MAD1L1: variants seen among roughly 807,000 people sequenced by gnomAD.
MAD1L1 encodes the protein mitotic spindle assembly checkpoint protein MAD1.
MAD1L1 carries 95 observed loss-of-function variants against 96.9 expected under a neutral mutation model. The observed-to-expected ratio is 0.98, with a 90% CI of 0.83 to 1.16. MAD1L1 has a LOEUF of 1.16. Ranked by LOEUF, MAD1L1 falls within the 50% of genes most tolerant of loss-of-function variation. MAD1L1 has a pLI of 0.00. For synonymous variants in MAD1L1, 473 were observed against 396.6 expected (o/e 1.19, Z -2.29); for missense variants, 1,007 against 954.4 (o/e 1.06, Z -0.73).
At chr7:2,083,350 C>A (rs1266207502) in intron 11 of MAD1L1, among the ~76,000 whole-genome samples, 1 of 152,170 alleles carries the variant, frequency 6.6e-6, no homozygotes, top group African/African-American at 2.4e-5. Flanking sequence ...AATGCCAGCT[C>A]TAAGCAGTTT....
At chr7:2,083,589 G>A (rs927201187) in intron 11 of MAD1L1, among the ~76,000 whole-genome samples, 1 of 152,310 alleles carries the variant, frequency 6.6e-6, no homozygotes, top group African/African-American at 2.4e-5. Context: ...GCGGGCTGTC[G>A]GGAGACTCCA....
chr7:1,979,442 G>T (rs1347394611), intron 15 of MAD1L1, among the ~76,000 whole-genome samples: 10 of 152,198 alleles, frequency 6.6e-5, no homozygotes, highest in Admixed American at 5.2e-4. Flanking sequence ...CTCCCACATT[G>T]GATTCTGGCA....
intron 15 of MAD1L1, among the ~76,000 whole-genome samples, chr7:1,966,505 T>A (rs1250830609): frequency 2.4e-5 from 3 of 125,074 alleles, no homozygotes; most frequent in Non-Finnish European, 4.8e-5. Flanking sequence ...CACAGAAAAG[T>A]GAATTGCTGA....
At chr7:2,152,581 A>G (rs1380375852) in intron 10 of MAD1L1, among the ~76,000 whole-genome samples, 3 of 152,184 alleles carry the variant, frequency 2.0e-5, no homozygotes, top group Non-Finnish European at 4.4e-5. Context: ...CTACTTGCAG[A>G]GACAGAGGGA....
chr7:1,881,210 A>G (rs1446262978), intron 18 of MAD1L1, among the ~76,000 whole-genome samples: 1 of 152,166 alleles, frequency 6.6e-6, no homozygotes, highest in Non-Finnish European at 1.5e-5. Context: ...ATAGATGCAA[A>G]ACAACTCAAA....
chr7:1,973,802 G>T (rs1428755093), intron 15 of MAD1L1, among the ~76,000 whole-genome samples: 2 of 152,174 alleles, frequency 1.3e-5, no homozygotes, highest in Non-Finnish European at 2.9e-5. Flanking sequence ...TCCGATCCCT[G>T]TTGGGCATGG....
At chr7:2,028,530 C>A (rs1399915631) in intron 12 of MAD1L1, among the ~76,000 whole-genome samples, 1 of 151,746 alleles carries the variant, frequency 6.6e-6, no homozygotes, top group Non-Finnish European at 1.5e-5. Context: ...TCAATGCATT[C>A]TCAATAAAAA....
At position 2,099,956 on chromosome 7, in the gene MAD1L1, ACTT is replaced by A. The variant is rs1786693239; in HGVS notation, c.1074-30621_1074-30619del. Reference sequence around the variant, plus strand: ...GCTAACCTAGCACATGGATTTTCAAACTTCTCACAGCTCAAGCCAAGGGGCTGG... The same window carrying A: ...GCTAACCTAGCACATGGATTTTCAAACTCACAGCTCAAGCCAAGGGGCTGG... On this transcript the variant is annotated intron_variant, in intron 11 of 18. Coordinates refer to ENST00000265854, the MANE Select transcript of MAD1L1 (RefSeq NM_001013836.2). Among the ~76,000 whole-genome samples the A allele has an allele frequency of 5.3e-5, 8 of 152,334 alleles. No homozygotes were observed. The South Asian group carries it at 1.7e-3, about 32-fold the overall frequency.
At position 1,852,456 on chromosome 7, in the gene MAD1L1, G is replaced by T. The variant is rs1784028501; in HGVS notation, c.1999-36228C>A. On this transcript the variant is annotated intron_variant, in intron 18 of 18. Transcript: ENST00000265854. ...TGCACTGGGGGGAGTCCAGGCTCAG[G>T]ATCCCTGAGGCTGAGATGGGGCAAT... 3.3e-5 allele frequency among the ~76,000 whole-genome samples: 5 copies of T among 152,304 alleles called. No individual in the cohort carries two copies. In the South Asian group the frequency reaches 8.3e-4, roughly 25 times the overall value.
At chr7:1,993,441 A>G (rs1781433758) in intron 14 of MAD1L1, among the ~76,000 whole-genome samples, 2 of 152,056 alleles carry the variant, frequency 1.3e-5, no homozygotes. Flanking sequence ...AATATCTAAG[A>G]TCATTCTGAA....
chr7:1,939,714 C>A (rs900945392), intron 16 of MAD1L1, among the ~76,000 whole-genome samples: 1 of 152,258 alleles, frequency 6.6e-6, no homozygotes. Flanking sequence ...CCCACGCTCT[C>A]AGGAGAGGCC....
chr7:1,917,839 G>A (rs531945132), intron 17 of MAD1L1, among the ~76,000 whole-genome samples: 2 of 152,306 alleles, frequency 1.3e-5, no homozygotes, highest in Admixed American at 6.5e-5. Context: ...GGCTGTGCCA[G>A]GAACATTCTT....
At chr7:1,843,343 G>A (rs1783389934) in intron 18 of MAD1L1, among the ~76,000 whole-genome samples, 2 of 152,274 alleles carry the variant, frequency 1.3e-5, no homozygotes, top group Middle Eastern at 3.4e-3. Flanking sequence ...AGCTGGCCCC[G>A]GGGAGCTCCT....
At position 1,968,314 on chromosome 7, in the gene MAD1L1, G is replaced by A. The variant is rs1240565096; in HGVS notation, c.1506-10595C>T. On this transcript the variant is annotated intron_variant, in intron 15 of 18. Transcript: ENST00000265854. This position sits in a 1 kb window ranked among gnomAD's most constrained non-coding sequence, Gnocchi z 5.6. ...TCCAGCGGTCAGGTCCACTGTCAAC[G>A]CCTCAGTCTGGTGGTCAGGTCAACC... 1.3e-5 allele frequency among the ~76,000 whole-genome samples: 2 copies of A among 149,158 alleles called. No homozygotes were observed. The highest frequency in any genetic ancestry group is 2.5e-5 in the African/African-American group (1 of 40,126).
intron 7 of MAD1L1, among the ~76,000 whole-genome samples, chr7:2,217,078 T>G (rs1006642268): frequency 6.6e-6 from 1 of 152,174 alleles, no homozygotes; most frequent in Non-Finnish European, 1.5e-5. Context: ...TGGTCCAGGA[T>G]GGCACTCCAT....
At chr7:1,913,016 GGAAGC>G (rs1217523743) in intron 17 of MAD1L1, among the ~76,000 whole-genome samples, 3 of 152,186 alleles carry the variant, frequency 2.0e-5, no homozygotes, top group African/African-American at 7.2e-5. Context: ...CTGAGAAGAG[GGAAGC>G]CTTTCCAGAG....
intron 11 of MAD1L1, among the ~76,000 whole-genome samples, chr7:2,116,066 C>T (rs964094767): frequency 1.3e-5 from 2 of 152,246 alleles, no homozygotes. Context: ...CCCTCTGTTT[C>T]CTCAACACTA....
intron 11 of MAD1L1, among the ~76,000 whole-genome samples, chr7:2,099,142 C>T (rs1433976188): frequency 6.6e-6 from 1 of 152,198 alleles, no homozygotes; most frequent in African/African-American, 2.4e-5. Context: ...GTAGCACAGC[C>T]TCCCATGGTC....
chr7:1,874,477 G>T (rs780830200), intron 18 of MAD1L1: 1 of 453,152 alleles, frequency 2.2e-6, no homozygotes, highest in South Asian at 1.6e-5. Flanking sequence ...GAGAGGAGGC[G>T]GAGGGCTGAC....
Sources: gnomAD v4.1 joint callset for allele counts (sites outside exome capture counted in the v4.1 genomes callset) on GRCh38, gnomAD v4.1.1 for gene constraint, Gnocchi (gnomAD v3.1) non-coding constraint, MANE v1.5 for transcripts, NCBI Gene and HGNC (gene_info 2026-07-23, HGNC 2026-07-21) for gene names.